The following KDM4C variants were observed in gnomAD, a reference collection of about 807,000 sequenced individuals.
KDM4C encodes lysine-specific demethylase 4C.
Under a neutral mutation model 129.3 loss-of-function variants are expected in KDM4C, and 81 were observed. The observed-to-expected ratio is 0.63, with a 90% confidence interval of 0.52 to 0.75. The LOEUF is 0.75. Ranked by LOEUF, KDM4C falls within the 30% of genes least tolerant of loss-of-function variation. The pLI, the probability that KDM4C is intolerant of heterozygous loss-of-function variation, is 0.00. For missense variants in KDM4C, 1,457 were observed against 1,304.0 expected (o/e 1.12, Z -1.81); for synonymous variants, 573 against 456.1 (o/e 1.26, Z -3.26).
At chr9:6,770,214 C>G (rs1041844511) in intron 1 of KDM4C, among the ~76,000 whole-genome samples, 4 of 138,408 alleles carry the variant, frequency 2.9e-5, no homozygotes, top group Admixed American at 2.8e-4. Context: ...ACAAAAAACA[C>G]CAAAAAAAAA....
intron 17 of KDM4C, among the ~76,000 whole-genome samples, chr9:7,089,440 A>G (rs956589070): frequency 1.2e-4 from 18 of 152,200 alleles, no homozygotes; most frequent in African/African-American, 4.1e-4. Context: ...AATAAGTTGG[A>G]AAGCATTTTT....
intron 8 of KDM4C, among the ~76,000 whole-genome samples, chr9:6,919,436 C>A (rs1208278753): frequency 9.3e-5 from 14 of 150,798 alleles, no homozygotes; most frequent in Admixed American, 9.3e-4. Flanking sequence ...AATCTTAATC[C>A]CTCTTTCCAT....
chr9:7,024,320 T>G (rs926159663), intron 15 of KDM4C, among the ~76,000 whole-genome samples: 2 of 144,014 alleles, frequency 1.4e-5, no homozygotes, highest in Non-Finnish European at 1.5e-5. Context: ...TTTCAAGGTG[T>G]TTTTTTTTTG....
rs146877934 is a variant in KDM4C at position 6,882,848 on chromosome 9, G to C, written c.679+2787G>C. Reference sequence around the variant, plus strand: ...CGCACATTGTGGAATTTTTTTAATGGCTAGTAATCTTGATTTTAATCCTGT... The same window carrying C: ...CGCACATTGTGGAATTTTTTTAATGCCTAGTAATCTTGATTTTAATCCTGT... On this transcript the variant is annotated intron_variant, in intron 6 of 21. Transcript: ENST00000381309. Among the ~76,000 whole-genome samples, 957 of 151,192 alleles carry C rather than the reference G, an allele frequency of 6.3e-3. 17 individuals are homozygous for C. Among genetic ancestry groups the C allele is most frequent in the African/African-American group, 0.022 (918 of 41,238 alleles).
intron 4 of KDM4C, among the ~76,000 whole-genome samples, chr9:6,839,336 TC>T (rs1161029186): frequency 6.7e-6 from 1 of 149,994 alleles, no homozygotes; most frequent in Admixed American, 6.6e-5. Context: ...CTCAAACCAT[TC>T]CCCCACGTCA....
chr9:6,914,822 C>T (rs1330596569), intron 8 of KDM4C, among the ~76,000 whole-genome samples: 1 of 152,206 alleles, frequency 6.6e-6, no homozygotes, highest in Non-Finnish European at 1.5e-5. Context: ...AGCATGGGCC[C>T]TCGCCAGACA....
intron 18 of KDM4C, among the ~76,000 whole-genome samples, chr9:7,117,626 TACACACACACACACAC>T (rs71315578): frequency 1.1e-4 from 16 of 147,022 alleles, no homozygotes; most frequent in East Asian, 6.0e-4. Flanking sequence ...TGTTAATTTC[TACACACACACACACAC>T]ACACACACAC....
At chr9:6,746,246 T>TTTTATA (rs1802208512) in intron 1 of KDM4C, among the ~76,000 whole-genome samples, 1 of 116,028 alleles carries the variant, frequency 8.6e-6, no homozygotes, top group African/African-American at 3.8e-5. Flanking sequence ...CAGCCAGCCA[T>TTTTATA]TATATATATA....
At chr9:7,160,159 G>A (rs1042793988) in intron 19 of KDM4C, among the ~76,000 whole-genome samples, 10 of 152,106 alleles carry the variant, frequency 6.6e-5, no homozygotes, top group Non-Finnish European at 1.3e-4. Context: ...CAAAGTTCTC[G>A]TGCCATGGTT....
chr9:6,742,445 T>C (rs970148944), intron 1 of KDM4C, among the ~76,000 whole-genome samples: 2 of 152,096 alleles, frequency 1.3e-5, no homozygotes, highest in Non-Finnish European at 2.9e-5. Flanking sequence ...TGAAACAGAG[T>C]TAGTTCAGAG....
chr9:7,049,218 T>C lies in KDM4C; in HGVS notation c.2424+18T>C. On this transcript the variant is annotated intron_variant, in intron 17 of 21. Transcript: ENST00000381309. ...TAAAATTGGTGAGTGGCAAAGCTTC[T>C]TTTTTACCTCATAAATTAGTGTTAA... The C allele has an allele frequency of 7.6e-7, 1 of 1,311,576 alleles. No individual in the cohort carries two copies. Among genetic ancestry groups the C allele is most frequent in the Non-Finnish European group, 1.1e-6 (1 of 913,266 alleles). The allele number at this position is 1,311,576 out of a possible 1,614,324, so 81.2% of individuals were successfully genotyped here. A position where few individuals can be genotyped will look rare whatever the true frequency, so the allele number is the denominator to read the frequency against.
intron 18 of KDM4C, among the ~76,000 whole-genome samples, chr9:7,126,867 A>G (rs1840075788): frequency 1.3e-5 from 2 of 152,014 alleles, no homozygotes; most frequent in Admixed American, 1.3e-4. Context: ...AAAAAAGAAA[A>G]GAAAAAGAAA....
Position 6,914,032 on chromosome 9 carries a change from T to C in KDM4C, c.921+20800T>C, listed in dbSNP as rs576523438. ...GTTTGCAGTTGAAAGCCTGAGACTG[T>C]TATTTGTTTACAACATAGTACATTT... On this transcript the variant is annotated intron_variant, in intron 8 of 21. Coordinates refer to ENST00000381309, the MANE Select transcript of KDM4C (RefSeq NM_015061.6). 1.6e-4 allele frequency among the ~76,000 whole-genome samples: 24 copies of C among 152,322 alleles called. No homozygotes were observed. In the South Asian group the frequency reaches 5.0e-3, roughly 32 times the overall value.
At chr9:6,822,656 C>T (rs1379249292) in intron 4 of KDM4C, among the ~76,000 whole-genome samples, 1 of 152,172 alleles carries the variant, frequency 6.6e-6, no homozygotes, top group African/African-American at 2.4e-5. Context: ...CCTTTGTTAA[C>T]AAGCCTTTAC....
chr9:6,738,500 C>T (rs1020522438), intron 1 of KDM4C, among the ~76,000 whole-genome samples: 5 of 152,166 alleles, frequency 3.3e-5, no homozygotes, highest in African/African-American at 4.8e-5. Flanking sequence ...ATGGCAAGAT[C>T]AGAGGTCACT....
intron 8 of KDM4C, among the ~76,000 whole-genome samples, chr9:6,940,071 C>CCT (rs1563850451): frequency 0.017 from 1,440 of 86,548 alleles, 25 homozygotes; most frequent in South Asian, 0.036. Flanking sequence ...CCCTCCTTCT[C>CCT]TCTCTCTCTT....
intron 8 of KDM4C, among the ~76,000 whole-genome samples, chr9:6,899,245 C>T (rs775917827): frequency 2.6e-5 from 4 of 152,042 alleles, no homozygotes; most frequent in Non-Finnish European, 5.9e-5. Context: ...CCCTTCTCCC[C>T]ACATGTGCAT....
At chr9:6,882,397 GTTATA>G (rs979447807) in intron 6 of KDM4C, among the ~76,000 whole-genome samples, 4 of 152,180 alleles carry the variant, frequency 2.6e-5, no homozygotes, top group Non-Finnish European at 5.9e-5. Flanking sequence ...TAATATTGCT[GTTATA>G]TTAAGTTAGG....
At position 7,064,919 on chromosome 9, in the gene KDM4C, C is replaced by G. The variant is rs150618993; in HGVS notation, c.2424+15719C>G. On this transcript the variant is annotated intron_variant, in intron 17 of 21. Transcript: ENST00000381309. ...CATTCCCCTTTTGAAGTATAATAATCAAGTGAGACGACGTAAGTTCTTGAA... is the reference window on the plus strand; with the variant it reads ...CATTCCCCTTTTGAAGTATAATAATGAAGTGAGACGACGTAAGTTCTTGAA... Among the ~76,000 whole-genome samples the G allele has an allele frequency of 4.8e-4, 73 of 152,172 alleles. 1 individual carries two copies. The highest frequency in any genetic ancestry group is 8.1e-4 in the Non-Finnish European group (55 of 68,028).
Sources: allele counts gnomAD v4.1 joint callset (sites outside exome capture counted in the v4.1 genomes callset), GRCh38; gene constraint gnomAD v4.1.1; transcripts MANE v1.5; gene names NCBI Gene and HGNC (gene_info 2026-07-23, HGNC 2026-07-21).